Variants in PAPPA observed in about 807,000 individuals in gnomAD.
The protein encoded by PAPPA is pappalysin-1.
PAPPA carries 60 observed loss-of-function variants against 164.0 expected under a neutral mutation model. That is an observed-to-expected ratio of 0.37 (90% confidence interval 0.30 to 0.45). PAPPA has a LOEUF of 0.45. Among genes scored for constraint, PAPPA ranks in the 20% least tolerant of loss-of-function variants. The pLI, the probability that PAPPA is intolerant of heterozygous loss-of-function variation, is 1.00. For missense variants in PAPPA, 1,782 were observed against 2,087.3 expected, an observed-to-expected ratio of 0.85 and a Z score of 2.85; for synonymous variants, 875 against 814.1, an observed-to-expected ratio of 1.07 and a Z score of -1.27.
At chr9:116,206,832 T>C (rs931258046) in intron 2 of PAPPA, among the ~76,000 whole-genome samples, 5 of 152,134 alleles carry the variant, frequency 3.3e-5, no homozygotes, top group African/African-American at 1.2e-4. Flanking sequence ...GAGAACAAAA[T>C]GCTGATCAGA....
chr9:116,320,912 A>G (rs902146557), intron 10 of PAPPA, among the ~76,000 whole-genome samples: 5 of 152,170 alleles, frequency 3.3e-5, no homozygotes, highest in Admixed American at 6.5e-5. Flanking sequence ...GGAGAGGTCT[A>G]TAGTGCTCCG....
At chr9:116,158,233 C>T (rs1843626012) in intron 1 of PAPPA, among the ~76,000 whole-genome samples, 1 of 152,158 alleles carries the variant, frequency 6.6e-6, no homozygotes, top group Admixed American at 6.5e-5. Context: ...TCTGCACCCC[C>T]ACTTCCTAGT....
At chr9:116,339,047 G>A (rs561166770) in intron 13 of PAPPA, among the ~76,000 whole-genome samples, 1 of 152,162 alleles carries the variant, frequency 6.6e-6, no homozygotes, top group South Asian at 2.1e-4. Flanking sequence ...ACAAGTTGGG[G>A]GCAAAACCAG....
chr9:116,241,693 G>A (rs1379754161), intron 7 of PAPPA, among the ~76,000 whole-genome samples: 1 of 152,064 alleles, frequency 6.6e-6, no homozygotes, highest in East Asian at 1.9e-4. Context: ...GCACAAAGTG[G>A]GCTCTAAGAA....
intron 9 of PAPPA, chr9:116,287,158 G>A (rs551899345): frequency 7.2e-5 from 11 of 152,292 alleles, no homozygotes; most frequent in African/African-American, 2.2e-4. Context: ...GATAATAATA[G>A]GACCAAACAC....
intron 6 of PAPPA, among the ~76,000 whole-genome samples, chr9:116,234,370 T>C (rs756321702): frequency 2.0e-5 from 3 of 151,912 alleles, no homozygotes; most frequent in Non-Finnish European, 2.9e-5. Flanking sequence ...AGAAGCTCAG[T>C]GGTATGGAAT....
chr9:116,163,371 C>G (rs1843689678), intron 1 of PAPPA, among the ~76,000 whole-genome samples: 1 of 152,042 alleles, frequency 6.6e-6, no homozygotes, highest in Non-Finnish European at 1.5e-5. Flanking sequence ...GAAGAAGAGA[C>G]CTATGAGCAG....
rs550573500 is a variant in PAPPA at position 116,216,867 on chromosome 9, G to C, written c.1919-3070G>C. ...AGCGATTTGCCTGCCTCAGCCTCCTGAGTAGCTGGGATTACAGGCGTGCAC... is the reference window on the plus strand; with the variant it reads ...AGCGATTTGCCTGCCTCAGCCTCCTCAGTAGCTGGGATTACAGGCGTGCAC... On this transcript the variant is annotated intron_variant, in intron 4 of 21. Coordinates refer to ENST00000328252, the MANE Select transcript of PAPPA (RefSeq NM_002581.5). 1.7e-3 allele frequency among the ~76,000 whole-genome samples: 252 copies of C among 152,184 alleles called. 2 individuals carry two copies. The highest frequency in any genetic ancestry group is 5.7e-3 in the African/African-American group (238 of 41,522).
At chr9:116,228,328 A>G (rs1461896208) in intron 6 of PAPPA, among the ~76,000 whole-genome samples, 3 of 151,960 alleles carry the variant, frequency 2.0e-5, no homozygotes, top group Non-Finnish European at 4.4e-5. Flanking sequence ...GTACACATAG[A>G]CCCTGCCCCC....
chr9:116,307,161 C>A (rs1236479418), intron 10 of PAPPA, among the ~76,000 whole-genome samples: 1 of 152,154 alleles, frequency 6.6e-6, no homozygotes, highest in Non-Finnish European at 1.5e-5. Context: ...GCAGGTGAGA[C>A]CTAGGTATGC....
chr9:116,250,530 A>C (rs1279759881), intron 7 of PAPPA, among the ~76,000 whole-genome samples: 1 of 152,228 alleles, frequency 6.6e-6, no homozygotes, highest in Non-Finnish European at 1.5e-5. Flanking sequence ...AGTGATATTC[A>C]AAGTCATCCA....
intron 10 of PAPPA, among the ~76,000 whole-genome samples, chr9:116,314,113 C>A (rs894954267): frequency 1.2e-4 from 15 of 129,312 alleles, no homozygotes; most frequent in Admixed American, 6.4e-4. Flanking sequence ...CACTCTTTCG[C>A]CAGGCTGGAG....
chr9:116,225,443 A>G (rs1430273242), intron 5 of PAPPA, among the ~76,000 whole-genome samples: 1 of 152,234 alleles, frequency 6.6e-6, no homozygotes, highest in Admixed American at 6.5e-5. Context: ...CCTATATTCC[A>G]TTGCCCAGAA....
At chr9:116,201,628 C>T (rs1312867019) in intron 2 of PAPPA, among the ~76,000 whole-genome samples, 1 of 152,128 alleles carries the variant, frequency 6.6e-6, no homozygotes, top group East Asian at 1.9e-4. Context: ...TTTCCTTGTG[C>T]ATTACCTCCT....
chr9:116,290,281 G>A (rs890019476), intron 9 of PAPPA, among the ~76,000 whole-genome samples: 6 of 151,696 alleles, frequency 4.0e-5, no homozygotes, highest in South Asian at 2.1e-4. Context: ...TCTGCTTTTC[G>A]TTATAGTTCT....
At chr9:116,296,309 CA>C (rs1438541324) in intron 9 of PAPPA, among the ~76,000 whole-genome samples, 2 of 152,182 alleles carry the variant, frequency 1.3e-5, no homozygotes, top group African/African-American at 4.8e-5. Context: ...AGTACACAAG[CA>C]CCTAGTTAGT....
chr9:116,346,995 A>G, intron 14 of PAPPA, 31 bp from the exon 15 acceptor site: 2 of 1,576,286 alleles, frequency 1.3e-6, no homozygotes, highest in South Asian at 2.3e-5. Context: ...TCAGTCTGCC[A>G]CTCCTCACTA....
At position 116,154,536 on chromosome 9, in the gene PAPPA, C is replaced by T; in HGVS notation, c.364C>T (p.Gln122Ter). ...LELPRDAFTL[Q>*]VWLRAEGGQR... is the part of the protein sequence containing the mutation. ...GCTGCCCCGGGACGCGTTCACGCTG[C>T]AAGTGTGGCTGCGAGCGGAGGGGGG... The change falls in exon 1 of 22, where the codon CAA (glutamine) becomes TAA (stop). Residue 122 changes from glutamine to a stop codon, truncating the protein, a stop_gained. Coordinates refer to ENST00000328252, the MANE Select transcript of PAPPA (RefSeq NM_002581.5). LOFTEE classifies it high-confidence loss of function. The surrounding 1 kb of genome is among the most constrained non-coding windows in gnomAD (Gnocchi z 5.2). 7.1e-7 allele frequency: 1 copy of T among 1,404,544 alleles called. No individual in the cohort carries two copies. The highest frequency in any genetic ancestry group is 9.3e-7 in the Non-Finnish European group (1 of 1,077,516). The allele number at this position is 1,404,544 out of a possible 1,614,324, so 87.0% of individuals were successfully genotyped here.
At chr9:116,327,260 A>G (rs986280816) in intron 10 of PAPPA, among the ~76,000 whole-genome samples, 4 of 152,166 alleles carry the variant, frequency 2.6e-5, no homozygotes, top group African/African-American at 9.7e-5. Flanking sequence ...TTACTTCCTG[A>G]CATCTCTAGG....
Sources: gnomAD v4.1 joint callset for allele counts (sites outside exome capture counted in the v4.1 genomes callset) on GRCh38, gnomAD v4.1.1 for gene constraint, Gnocchi (gnomAD v3.1) non-coding constraint, MANE v1.5 for transcripts, NCBI Gene and HGNC (gene_info 2026-07-23, HGNC 2026-07-21) for gene names.